The following PSD2 variants were observed in gnomAD, a reference collection of about 807,000 sequenced individuals.
PSD2 encodes PH and SEC7 domain-containing protein 2.
In PSD2, 38 loss-of-function variants were observed where a neutral mutation model predicts 69.8. The observed-to-expected ratio is 0.54, with a 90% CI of 0.42 to 0.71. The LOEUF is 0.71. Among genes scored for constraint, PSD2 ranks in the 30% least tolerant of loss-of-function variants. The pLI, the probability that PSD2 is intolerant of heterozygous loss-of-function variation, is 0.00. For missense variants in PSD2, 943 were observed against 1,014.5 expected, an observed-to-expected ratio of 0.93 and a Z score of 0.96; for synonymous variants, 412 against 423.0, an observed-to-expected ratio of 0.97 and a Z score of 0.32.
At chr5:139,784,337 A>G in the PSD2 span, among the ~76,000 whole-genome samples, 24 of 151,756 alleles carry the variant, frequency 1.6e-4, no homozygotes, top group East Asian at 5.8e-4. Flanking sequence ...ACTCATCCCC[A>G]ATGTGTATCT....
At chr5:139,811,881 C>T (rs1008160625) in intron 2 of PSD2, among the ~76,000 whole-genome samples, 1 of 152,136 alleles carries the variant, frequency 6.6e-6, no homozygotes, top group Non-Finnish European at 1.5e-5. Context: ...CCGTGAGCCA[C>T]CGCGCCTGGC....
chr5:139,830,565 C>CCTTCCTTCCTTTCTTTCTTT (rs1554096354), intron 7 of PSD2, among the ~76,000 whole-genome samples: 8 of 120,364 alleles, frequency 6.6e-5, no homozygotes, highest in African/African-American at 2.6e-4. Context: ...TTCCTTCCTT[C>CCTTCCTTCCTTTCTTTCTTT]CTTTCTTTCT....
In PSD2 at chr5:139,821,895, C is replaced by G; in HGVS notation, c.1100C>G (p.Thr367Arg). 6.3e-7 allele frequency: 1 copy of G among 1,597,780 alleles called. No homozygotes were observed. The highest frequency in any genetic ancestry group is 8.6e-7 in the Non-Finnish European group (1 of 1,168,824). The change falls in exon 6 of 15, where the codon ACA (threonine) becomes AGA (arginine). Residue 367 changes from threonine (T) to arginine (R), a missense_variant and splice_region_variant. By Grantham distance (71) the Thr-to-Arg change is moderately conservative. Transcript: ENST00000274710. ...AGCAGCTTTGAATTGCCTTCCAGAACATTCTTGAAGGCCTTCCCGCTGATG... is the reference window on the plus strand; with the variant it reads ...AGCAGCTTTGAATTGCCTTCCAGAAGATTCTTGAAGGCCTTCCCGCTGATG... Reference protein sequence around the residue: ...SGLTLDGALRTFLKAFPLMGE... With the variant: ...SGLTLDGALRRFLKAFPLMGE...
At chr5:139,800,220 C>G (rs1759638315) in intron 1 of PSD2, among the ~76,000 whole-genome samples, 1 of 152,254 alleles carries the variant, frequency 6.6e-6, no homozygotes, top group Non-Finnish European at 1.5e-5. Context: ...AAACCCCAAC[C>G]CTGGTTAAAT....
chr5:139,816,071 C>A (rs921120882), intron 4 of PSD2, among the ~76,000 whole-genome samples: 1 of 151,540 alleles, frequency 6.6e-6, no homozygotes, highest in Non-Finnish European at 1.5e-5. Context: ...CCTCTATATG[C>A]CCATTACTGA....
chr5:139,811,644 G>A (rs1308772935), intron 2 of PSD2, among the ~76,000 whole-genome samples: 1 of 151,718 alleles, frequency 6.6e-6, no homozygotes, highest in Non-Finnish European at 1.5e-5. Flanking sequence ...ACCCAGGCTG[G>A]AGTGCTGTGG....
chr5:139,844,340 ATAAT>A lies in PSD2; in HGVS notation c.*1869_*1872del, dbSNP rs1427413557. On this transcript the variant is annotated 3_prime_UTR_variant, in exon 15 of 15. Coordinates refer to ENST00000274710, the MANE Select transcript of PSD2 (RefSeq NM_032289.4). ...ATGTTTAGTTCACTTCCTTAATTGT[ATAAT>A]TATTTATTTGTAAATTATATACATG... The A allele has an allele frequency of 2.0e-5, 3 of 152,232 alleles. No homozygotes were observed. The highest frequency in any genetic ancestry group is 2.0e-4 in the Admixed American group (3 of 15,280). The allele number at this position is 152,232 out of a possible 1,614,324, so 9.4% of individuals were successfully genotyped here. A position where few individuals can be genotyped will look rare whatever the true frequency, so the allele number is the denominator to read the frequency against.
At position 139,813,438 on chromosome 5, in the gene PSD2, G is replaced by A. The variant is rs751700891; in HGVS notation, c.501G>A (p.Thr167=). ...ACTCCCTAGACGGGCTGAGCCTCACGGATGAGAGCGACAGCTGCGTCAGCT... is the reference window on the plus strand; with the variant it reads ...ACTCCCTAGACGGGCTGAGCCTCACAGATGAGAGCGACAGCTGCGTCAGCT... The part of the protein sequence containing the change: ...SLDSLDGLSL[T]DESDSCVSFE... The change falls in exon 3 of 15, where the codon ACG becomes ACA. Residue 167 remains threonine, a synonymous_variant. Coordinates refer to ENST00000274710, the MANE Select transcript of PSD2 (RefSeq NM_032289.4). The A allele has an allele frequency of 7.4e-6, 12 of 1,614,076 alleles. No homozygotes were observed. The highest frequency in any genetic ancestry group is 6.7e-5 in the East Asian group (3 of 44,872).
At chr5:139,833,640 G>A (rs1355594286) in intron 7 of PSD2, 62 bp from the exon 8 acceptor site, 1 of 1,167,126 alleles carries the variant, frequency 8.6e-7, no homozygotes, top group Non-Finnish European at 1.3e-6. Context: ...GCAGGGCAGG[G>A]TGTGTGGGGA....
the PSD2 span, among the ~76,000 whole-genome samples, chr5:139,757,597 C>T: frequency 6.6e-6 from 1 of 152,204 alleles, no homozygotes; most frequent in African/African-American, 2.4e-5. Flanking sequence ...CGTCCCCACC[C>T]TTGAGAGGGA....
At chr5:139,794,518 G>C (rs1159994025), upstream of PSD2, among the ~76,000 whole-genome samples, 2 of 152,174 alleles carry the variant, frequency 1.3e-5, no homozygotes, top group Non-Finnish European at 2.9e-5. Flanking sequence ...TGTGTTCATG[G>C]GTGGAAAGAA....
At position 139,833,925 on chromosome 5, in the gene PSD2, A is replaced by G. The variant is rs1187354446; in HGVS notation, c.1359+134A>G. ...TGCAGGGCCATGATGACAAAGTTAG[A>G]AACCACTGAGCTCAACATTTGGCTG... is the stretch of plus-strand genomic sequence containing the variant. On this transcript the variant is annotated intron_variant, in intron 8 of 14. Coordinates refer to ENST00000274710, the MANE Select transcript of PSD2 (RefSeq NM_032289.4). 4 of 710,026 alleles carry G rather than the reference A, an allele frequency of 5.6e-6. No individual in the cohort carries two copies. In the East Asian group the frequency reaches 1.0e-4, roughly 18 times the overall value. 44.0% of individuals were successfully genotyped at this position (710,026 alleles called of 1,614,324 possible). A position where few individuals can be genotyped will look rare whatever the true frequency, so the allele number is the denominator to read the frequency against.
the PSD2 span, among the ~76,000 whole-genome samples, chr5:139,790,047 G>T: frequency 6.6e-6 from 1 of 152,118 alleles, no homozygotes; most frequent in African/African-American, 2.4e-5. Context: ...ACAGGGAGGG[G>T]ACCGGTGTGT....
Position 139,838,789 on chromosome 5 carries a change from C to A in PSD2, c.1968+17C>A. ...CTCTGCCAGGTACATGTTCCTGGGT[C>A]AACATTTTGCCTCCCCAGGCTGCCA... On this transcript the variant is annotated intron_variant, in intron 13 of 14. Transcript: ENST00000274710. 6.2e-7 allele frequency: 1 copy of A among 1,603,056 alleles called. No individual in the cohort carries two copies. Among genetic ancestry groups the A allele is most frequent in the South Asian group, 1.1e-5 (1 of 90,572 alleles).
the PSD2 span, among the ~76,000 whole-genome samples, chr5:139,752,739 C>T: frequency 5.4e-4 from 83 of 152,352 alleles, no homozygotes; most frequent in African/African-American, 1.8e-3. Flanking sequence ...CATACACACA[C>T]GTAGGCACAC....
At chr5:139,763,129 C>T in the PSD2 span, among the ~76,000 whole-genome samples, 9 of 152,164 alleles carry the variant, frequency 5.9e-5, no homozygotes, top group Admixed American at 4.6e-4. Flanking sequence ...CTCTGCTGGG[C>T]GGGCCCAGGG....
At chr5:139,807,792 CT>C (rs1193360267) in intron 1 of PSD2, among the ~76,000 whole-genome samples, 1 of 152,200 alleles carries the variant, frequency 6.6e-6, no homozygotes, top group Non-Finnish European at 1.5e-5. Context: ...ACCCGCCTCC[CT>C]CCCCAGGCTC....
intron 7 of PSD2, among the ~76,000 whole-genome samples, chr5:139,832,724 A>G (rs1310201401): frequency 1.3e-5 from 2 of 152,240 alleles, no homozygotes; most frequent in African/African-American, 4.8e-5. Flanking sequence ...CCCAATCCAC[A>G]AAATCCTTCA....
rs967005151 is a variant in PSD2, at chr5:139,813,308, G to A, written c.372-1G>A. The A allele has an allele frequency of 3.3e-6, 5 of 1,537,218 alleles. No homozygotes were observed. The highest frequency in any genetic ancestry group is 4.4e-6 in the Non-Finnish European group (5 of 1,137,690). ...GGTGACTGGCTCCTTGCATCCCACA[G>A]GTTGGATGGTCCCGGGGAGCCAGAT... On this transcript the variant is annotated splice_acceptor_variant, in intron 2 of 14. Transcript: ENST00000274710. LOFTEE classifies it high-confidence loss of function.
Sources: gnomAD v4.1 joint callset for allele counts (sites outside exome capture counted in the v4.1 genomes callset) on GRCh38, gnomAD v4.1.1 for gene constraint, MANE v1.5 for transcripts, NCBI Gene and HGNC (gene_info 2026-07-23, HGNC 2026-07-21) for gene names.